Variants in C5AR1 observed in about 807,000 individuals in gnomAD.
C5AR1 encodes the protein complement C5a receptor 1.
A neutral mutation model predicts 2.4 loss-of-function variants in C5AR1; 4 were observed. That is an observed-to-expected ratio of 1.65 (90% CI 0.81 to 3.77). C5AR1 has a LOEUF of 3.77. C5AR1 is among the 30% of genes most tolerant of loss of function. The pLI, the probability that C5AR1 is intolerant of heterozygous loss-of-function variation, is 0.01. For synonymous variants in C5AR1, 209 were observed against 210.4 expected, an observed-to-expected ratio of 0.99 and a Z score of 0.06; for missense variants, 418 against 462.5, an observed-to-expected ratio of 0.90 and a Z score of 0.88.
intron 1 of C5AR1, among the ~76,000 whole-genome samples, chr19:47,314,875 G>A (rs930982203): frequency 6.6e-6 from 1 of 152,010 alleles, no homozygotes; most frequent in African/African-American, 2.4e-5. Flanking sequence ...TGTATTTTTA[G>A]TAGAGACGGG....
chr19:47,309,773 C>A, upstream of C5AR1: 6 of 1,075,748 alleles, frequency 5.6e-6, no homozygotes, highest in Non-Finnish European at 8.3e-6. Context: ...AGTGTGCAGA[C>A]CAATGAGAGC....
Position 47,320,841 on chromosome 19 carries a change from C to A in C5AR1, c.*11C>A. 1 of 1,593,818 alleles carries A rather than the reference C, an allele frequency of 6.3e-7. No individual in the cohort carries two copies. The highest frequency in any genetic ancestry group is 8.6e-7 in the Non-Finnish European group (1 of 1,166,096). On this transcript the variant is annotated 3_prime_UTR_variant, in exon 2 of 2. Coordinates refer to ENST00000355085, the MANE Select transcript of C5AR1 (RefSeq NM_001736.4). This position sits in a 1 kb window ranked among gnomAD's most constrained non-coding sequence, Gnocchi z 4.9. ...ACCCAGGCAGTGTAGGCGACAGCCTCATGGGCCACTGTGGCCCGATGTCCC... is the reference window on the plus strand; with the variant it reads ...ACCCAGGCAGTGTAGGCGACAGCCTAATGGGCCACTGTGGCCCGATGTCCC...
In C5AR1 at chr19:47,313,911, AG is replaced by A. The variant is rs1240116482; in HGVS notation, c.3+4016del. On this transcript the variant is annotated intron_variant, in intron 1 of 1. Coordinates refer to ENST00000355085, the MANE Select transcript of C5AR1 (RefSeq NM_001736.4). ...TGCTGTTGCAACAAGTAAGTCTCCT[AG>A]GGTTGCTTTGTGGGTTCAATGAGAT... Among the ~76,000 whole-genome samples, 6 of 152,124 alleles carry A rather than the reference AG, an allele frequency of 3.9e-5. No homozygotes were observed. In the East Asian group the frequency reaches 1.2e-3, roughly 29 times the overall value.
chr19:47,312,557 GT>G (rs1330970471), intron 1 of C5AR1, among the ~76,000 whole-genome samples: 2 of 152,172 alleles, frequency 1.3e-5, no homozygotes, highest in Non-Finnish European at 2.9e-5. Flanking sequence ...ATGGCAGTAT[GT>G]TTTGTACAGT....
At chr19:47,314,930 G>A (rs2054489156) in intron 1 of C5AR1, among the ~76,000 whole-genome samples, 1 of 152,204 alleles carries the variant, frequency 6.6e-6, no homozygotes, top group Admixed American at 6.5e-5. Context: ...CTGACTTCAA[G>A]TGATCCACCT....
At chr19:47,316,877 GAAAA>G (rs869148486) in intron 1 of C5AR1, among the ~76,000 whole-genome samples, 1 of 141,596 alleles carries the variant, frequency 7.1e-6, no homozygotes, top group Non-Finnish European at 1.5e-5. Flanking sequence ...AAGGGAACTA[GAAAA>G]AAAAAAACAA....
intron 1 of C5AR1, among the ~76,000 whole-genome samples, chr19:47,317,594 G>A (rs933001116): frequency 2.6e-5 from 4 of 151,402 alleles, no homozygotes; most frequent in Admixed American, 1.3e-4. Context: ...AATACCAATG[G>A]CTGCCACTTC....
chr19:47,310,939 A>G (rs1335008838), intron 1 of C5AR1, among the ~76,000 whole-genome samples: 1 of 152,200 alleles, frequency 6.6e-6, no homozygotes, highest in Non-Finnish European at 1.5e-5. Flanking sequence ...ACCCCAGGCT[A>G]AATGAGGGTC....
chr19:47,310,305 G>A (rs1295822409), intron 1 of C5AR1, among the ~76,000 whole-genome samples: 6 of 152,096 alleles, frequency 3.9e-5, no homozygotes, highest in Non-Finnish European at 8.8e-5. Flanking sequence ...GAGGCCAGGA[G>A]TTCAAGACCA....
chr19:47,314,864 T>A (rs1183874898), intron 1 of C5AR1, among the ~76,000 whole-genome samples: 1 of 152,076 alleles, frequency 6.6e-6, no homozygotes, highest in Non-Finnish European at 1.5e-5. Flanking sequence ...CAGCTAATTT[T>A]TGTATTTTTA....
upstream of C5AR1, among the ~76,000 whole-genome samples, chr19:47,307,985 C>T (rs916106312): frequency 2.0e-5 from 3 of 151,686 alleles, no homozygotes; most frequent in African/African-American, 4.8e-5. Flanking sequence ...GAGGCTGAGG[C>T]GGGTGGATCA....
chr19:47,312,295 A>G (rs2059273453), intron 1 of C5AR1, among the ~76,000 whole-genome samples: 1 of 152,148 alleles, frequency 6.6e-6, no homozygotes, highest in South Asian at 2.1e-4. Flanking sequence ...CGTGTTGGCC[A>G]GGCTGGTCTT....
chr19:47,309,869 T>C lies in C5AR1; in HGVS notation c.-27T>C, dbSNP rs1425561627. 1 of 1,612,044 alleles carries C rather than the reference T, an allele frequency of 6.2e-7. No individual in the cohort carries two copies. The highest frequency in any genetic ancestry group is 8.5e-7 in the Non-Finnish European group (1 of 1,179,068). On this transcript the variant is annotated 5_prime_UTR_variant, in exon 1 of 2. Coordinates refer to ENST00000355085, the MANE Select transcript of C5AR1 (RefSeq NM_001736.4). The stretch of plus-strand genomic sequence containing the variant: ...GCCCTTGGGCAGGAGGGACCTTCGA[T>C]CCTCGGGGAGCCCAGGAGACCAGAA...
intron 1 of C5AR1, among the ~76,000 whole-genome samples, chr19:47,314,876 T>G (rs984228343): frequency 6.6e-6 from 1 of 152,122 alleles, no homozygotes; most frequent in Non-Finnish European, 1.5e-5. Context: ...GTATTTTTAG[T>G]AGAGACGGGG....
intron 1 of C5AR1, among the ~76,000 whole-genome samples, chr19:47,317,826 C>T (rs1309468526): frequency 6.6e-6 from 1 of 151,602 alleles, no homozygotes; most frequent in Admixed American, 6.6e-5. Context: ...ACTAAAAATA[C>T]AAAAATTAGC....
Position 47,320,330 on chromosome 19 carries a change from A to C in C5AR1, c.553A>C (p.Lys185Gln). The part of the protein sequence containing the change: ...RVVREEYFPP[K>Q]VLCGVDYSHD... The stretch of plus-strand genomic sequence containing the variant: ...GGTCCGGGAGGAGTACTTTCCACCA[A>C]AGGTGTTGTGTGGCGTGGACTACAG... Residue 185 changes from lysine to glutamine, a missense_variant, in exon 2 of 2, where the codon AAG (lysine) becomes CAG (glutamine). By Grantham distance (53) the Lys-to-Gln change is moderately conservative. Coordinates refer to ENST00000355085, the MANE Select transcript of C5AR1 (RefSeq NM_001736.4). The surrounding 1 kb of genome is among the most constrained non-coding windows in gnomAD (Gnocchi z 4.9). The C allele has an allele frequency of 1.2e-6, 2 of 1,610,008 alleles. No individual in the cohort carries two copies. Among genetic ancestry groups the C allele is most frequent in the Non-Finnish European group, 1.7e-6 (2 of 1,179,978 alleles).
At chr19:47,315,953 A>G (rs1568660297) in intron 1 of C5AR1, among the ~76,000 whole-genome samples, 1 of 151,614 alleles carries the variant, frequency 6.6e-6, no homozygotes. Flanking sequence ...CCATCCATCC[A>G]TCCATCTGTC....
At chr19:47,315,340 C>T (rs756484948) in intron 1 of C5AR1, among the ~76,000 whole-genome samples, 1 of 152,134 alleles carries the variant, frequency 6.6e-6, no homozygotes. Context: ...GTCTGAAGAT[C>T]CCGGAAACCA....
In C5AR1 at chr19:47,312,375, C is replaced by T. The variant is rs538436064; in HGVS notation, c.3+2477C>T. ...TGCTGGGATTACAGGCGTGAGCCATCGCACCCAGCCTCCTTCTCCTTATCT... is the reference window on the plus strand; with the variant it reads ...TGCTGGGATTACAGGCGTGAGCCATTGCACCCAGCCTCCTTCTCCTTATCT... On this transcript the variant is annotated intron_variant, in intron 1 of 1. Coordinates refer to ENST00000355085, the MANE Select transcript of C5AR1 (RefSeq NM_001736.4). Among the ~76,000 whole-genome samples, 12 of 152,310 alleles carry T rather than the reference C, an allele frequency of 7.9e-5. No homozygotes were observed. In the South Asian group the frequency reaches 2.3e-3, roughly 29 times the overall value.
Sources: gnomAD v4.1 joint callset for allele counts (sites outside exome capture counted in the v4.1 genomes callset) on GRCh38, gnomAD v4.1.1 for gene constraint, Gnocchi (gnomAD v3.1) non-coding constraint, MANE v1.5 for transcripts, NCBI Gene and HGNC (gene_info 2026-07-23, HGNC 2026-07-21) for gene names.